The following BCAS1 variants were observed in gnomAD, a reference collection of about 807,000 sequenced individuals.
BCAS1 encodes the protein breast carcinoma-amplified sequence 1.
BCAS1 carries 46 observed loss-of-function variants against 65.4 expected under a neutral mutation model. The observed-to-expected ratio is 0.70, with a 90% CI of 0.55 to 0.90. BCAS1 has a LOEUF of 0.90. BCAS1 is among the 40% of genes least tolerant of loss of function. The pLI, the probability that BCAS1 is intolerant of heterozygous loss-of-function variation, is 0.00. For synonymous variants in BCAS1, 298 were observed against 293.5 expected, an observed-to-expected ratio of 1.02 and a Z score of -0.16; for missense variants, 793 against 771.2, an observed-to-expected ratio of 1.03 and a Z score of -0.33.
intron 10 of BCAS1, among the ~76,000 whole-genome samples, chr20:53,966,642 A>C (rs2158977): frequency 1.3e-5 from 2 of 152,210 alleles, no homozygotes; most frequent in South Asian, 4.1e-4. Context: ...AAAAAATTCC[A>C]ACCCAAGGGC....
chr20:54,022,600 T>C (rs2091585753), intron 4 of BCAS1, among the ~76,000 whole-genome samples: 1 of 152,212 alleles, frequency 6.6e-6, no homozygotes, highest in Non-Finnish European at 1.5e-5. Flanking sequence ...TCGATTCCAC[T>C]TCTGCCACTA....
intron 3 of BCAS1, among the ~76,000 whole-genome samples, chr20:54,049,114 T>C (rs1568920474): frequency 6.6e-6 from 1 of 152,240 alleles, no homozygotes; most frequent in South Asian, 2.1e-4. Context: ...GGCATTGATA[T>C]TGGCAAATGC....
intron 4 of BCAS1, among the ~76,000 whole-genome samples, chr20:54,022,119 C>T (rs369024104): frequency 3.5e-4 from 54 of 152,228 alleles, no homozygotes; most frequent in Middle Eastern, 3.4e-3. Flanking sequence ...GGGACTAAGC[C>T]TAGGGACTAA....
intron 4 of BCAS1, among the ~76,000 whole-genome samples, chr20:54,027,368 C>T (rs998303590): frequency 2.0e-5 from 3 of 152,176 alleles, no homozygotes; most frequent in Admixed American, 1.3e-4. Flanking sequence ...AAATAATTTA[C>T]GTACAGTGCT....
chr20:54,007,841 T>C (rs2145933658), intron 4 of BCAS1, among the ~76,000 whole-genome samples: 1 of 152,238 alleles, frequency 6.6e-6, no homozygotes, highest in Middle Eastern at 3.4e-3. Context: ...CCCTGGACAT[T>C]ATAGAGAAAA....
At chr20:53,954,322 A>AGAGG in intron 11 of BCAS1, among the ~76,000 whole-genome samples, 1 of 151,780 alleles carries the variant, frequency 6.6e-6, no homozygotes, top group South Asian at 2.1e-4. Context: ...AGAGAGAGAG[A>AGAGG]GAGAGAGAGA....
rs1431234315 is a variant in BCAS1 at position 53,995,883 on chromosome 20, A to G, written c.882+9T>C. 6.3e-7 allele frequency: 1 copy of G among 1,587,108 alleles called. No individual in the cohort carries two copies. Among genetic ancestry groups the G allele is most frequent in the Admixed American group, 1.8e-5 (1 of 55,310 alleles). Reference sequence around the variant, plus strand: ...AGAGTGGAGGGGAAAAGAGGAGAAAACTGCTTACCAGAGTTTTAAAGAAAC... The same window carrying G: ...AGAGTGGAGGGGAAAAGAGGAGAAAGCTGCTTACCAGAGTTTTAAAGAAAC... On this transcript the variant is annotated intron_variant, in intron 5 of 12. Coordinates refer to ENST00000688948, the MANE Select transcript of BCAS1 (RefSeq NM_001366298.2).
At chr20:54,001,873 G>A (rs12329598) in intron 4 of BCAS1, among the ~76,000 whole-genome samples, 10,652 of 152,162 alleles carry the variant, frequency 0.07, 1,224 homozygotes, top group African/African-American at 0.24. Context: ...GTTACATTAG[G>A]TAGGACCAAA....
chr20:54,064,318 C>T (rs2092410406), intron 1 of BCAS1, among the ~76,000 whole-genome samples: 1 of 152,192 alleles, frequency 6.6e-6, no homozygotes, highest in African/African-American at 2.4e-5. Context: ...TGAGTGTCTC[C>T]TGGGGTCAGA....
intron 3 of BCAS1, among the ~76,000 whole-genome samples, chr20:54,042,808 A>G (rs555145430): frequency 6.6e-6 from 1 of 152,366 alleles, no homozygotes; most frequent in Admixed American, 6.5e-5. Flanking sequence ...GAGAGGTGGG[A>G]TTCAAAGTGG....
At position 54,054,863 on chromosome 20, in the gene BCAS1, A is replaced by G. The variant is rs202168726; in HGVS notation, c.142+3222T>C. Among the ~76,000 whole-genome samples the G allele has an allele frequency of 3.9e-5, 6 of 152,236 alleles. No individual in the cohort carries two copies. In the East Asian group the frequency reaches 1.2e-3, roughly 29 times the overall value. On this transcript the variant is annotated intron_variant, in intron 3 of 12. Transcript: ENST00000688948. ...CCTTTTGGGAACATCTTTGTAATAT[A>G]CATACATATATATGAAATATGCATA...
intron 12 of BCAS1, among the ~76,000 whole-genome samples, chr20:53,947,851 T>C (rs547404196): frequency 4.0e-4 from 61 of 152,276 alleles, no homozygotes; most frequent in African/African-American, 1.2e-3. Context: ...GGGCAGGGGC[T>C]AACTAAATAA....
At chr20:54,035,402 A>G (rs1161407377) in intron 3 of BCAS1, among the ~76,000 whole-genome samples, 1 of 100,890 alleles carries the variant, frequency 9.9e-6, no homozygotes, top group Non-Finnish European at 2.3e-5. Context: ...CTCCGTCTCA[A>G]AAAAAAAAAA....
chr20:53,948,019 A>T (rs577947904), intron 12 of BCAS1, among the ~76,000 whole-genome samples: 39 of 152,238 alleles, frequency 2.6e-4, no homozygotes, highest in African/African-American at 9.1e-4. Context: ...GACAGGTCCA[A>T]GCTCACTCAG....
Position 53,960,285 on chromosome 20 carries a change from G to A in BCAS1, c.1486-2788C>T, listed in dbSNP as rs532311674. Among the ~76,000 whole-genome samples the A allele has an allele frequency of 6.6e-5, 10 of 151,988 alleles. No individual in the cohort carries two copies. The South Asian group carries it at 1.9e-3, about 28-fold the overall frequency. On this transcript the variant is annotated intron_variant, in intron 10 of 12. Transcript: ENST00000688948. The stretch of plus-strand genomic sequence containing the variant: ...GTTGTTTCAATTTGGCATTCATTAG[G>A]GACTCTGTCAATTTAAGGTTTCAAT...
At chr20:54,025,948 A>C (rs1317228411) in intron 4 of BCAS1, among the ~76,000 whole-genome samples, 1 of 152,222 alleles carries the variant, frequency 6.6e-6, no homozygotes, top group Non-Finnish European at 1.5e-5. Context: ...CTTTGCAGGC[A>C]TATGCATCTG....
rs1038661974 is a variant in BCAS1 at position 54,029,237 on chromosome 20, A to G, written c.143-265T>C. 3.0e-6 allele frequency: 3 copies of G among 985,122 alleles called. No homozygotes were observed. The African/African-American group carries it at 5.2e-5, about 17-fold the overall frequency. 61.0% of individuals were successfully genotyped at this position (985,122 alleles called of 1,614,324 possible). ...CCAGGTGTGGAATGAGTGATATTCA[A>G]TGTTAATTAATCTTCTTTTATCTGT... On this transcript the variant is annotated intron_variant, in intron 3 of 12. Coordinates refer to ENST00000688948, the MANE Select transcript of BCAS1 (RefSeq NM_001366298.2).
At chr20:54,043,755 C>T (rs1027806750) in intron 3 of BCAS1, among the ~76,000 whole-genome samples, 1 of 152,194 alleles carries the variant, frequency 6.6e-6, no homozygotes, top group Non-Finnish European at 1.5e-5. Context: ...GCTCCGGCTA[C>T]AGAAACTGCA....
intron 10 of BCAS1, among the ~76,000 whole-genome samples, chr20:53,962,759 A>G (rs1474729136): frequency 6.6e-6 from 1 of 152,194 alleles, no homozygotes; most frequent in African/African-American, 2.4e-5. Context: ...GTGAAGTGCT[A>G]CATCTCTATG....
Sources: gnomAD v4.1 joint callset for allele counts (sites outside exome capture counted in the v4.1 genomes callset) on GRCh38, gnomAD v4.1.1 for gene constraint, MANE v1.5 for transcripts, NCBI Gene and HGNC (gene_info 2026-07-23, HGNC 2026-07-21) for gene names.